The following PRR5L variants were observed in gnomAD, a reference collection of about 807,000 sequenced individuals.
PRR5L encodes proline-rich protein 5-like.
A neutral mutation model predicts 36.4 loss-of-function variants in PRR5L; 21 were observed. The observed-to-expected ratio is 0.58, with a 90% confidence interval of 0.41 to 0.83. The LOEUF (loss-of-function observed/expected upper bound fraction) is 0.83. Among genes scored for constraint, PRR5L ranks in the 40% least tolerant of loss-of-function variants. The pLI is 0.00. For synonymous variants in PRR5L, 188 were observed against 197.0 expected (o/e 0.95, Z 0.38); for missense variants, 381 against 473.3 (o/e 0.80, Z 1.81).
intron 1 of PRR5L, among the ~76,000 whole-genome samples, chr11:36,357,718 A>G (rs1857042356): frequency 6.6e-6 from 1 of 152,196 alleles, no homozygotes; most frequent in Admixed American, 6.5e-5. Flanking sequence ...GAAAAAAAAA[A>G]GATGCCTTTA....
intron 1 of PRR5L, among the ~76,000 whole-genome samples, chr11:36,322,916 A>G (rs1277856386): frequency 6.6e-6 from 1 of 152,220 alleles, no homozygotes; most frequent in Non-Finnish European, 1.5e-5. Context: ...TCAAGTGATC[A>G]TTAAGGCAAG....
chr11:36,420,456 T>A (rs1368599146), intron 4 of PRR5L, among the ~76,000 whole-genome samples: 1 of 152,186 alleles, frequency 6.6e-6, no homozygotes, highest in Non-Finnish European at 1.5e-5. Context: ...CTGTATTTCC[T>A]TTTCTGTGAA....
At chr11:36,417,872 G>A (rs982708281) in intron 3 of PRR5L, among the ~76,000 whole-genome samples, 4 of 152,216 alleles carry the variant, frequency 2.6e-5, no homozygotes, top group African/African-American at 9.7e-5. Flanking sequence ...CCAATGGGAT[G>A]AGCAAAGAAA....
intron 1 of PRR5L, among the ~76,000 whole-genome samples, chr11:36,351,431 T>A (rs541865831): frequency 2.2e-4 from 12 of 54,372 alleles, no homozygotes; most frequent in South Asian, 7.0e-4. Flanking sequence ...ATTTATATAT[T>A]TATATATACA....
At chr11:36,445,722 T>A (rs1590599579) in intron 6 of PRR5L, among the ~76,000 whole-genome samples, 2 of 152,318 alleles carry the variant, frequency 1.3e-5, no homozygotes, top group East Asian at 1.9e-4. Context: ...CTATGTAGAA[T>A]CATGCCTAGC....
chr11:36,437,276 A>G, intron 5 of PRR5L, 109 bp from the exon 6 acceptor site: 1 of 820,022 alleles, frequency 1.2e-6, no homozygotes, highest in South Asian at 1.3e-5. Flanking sequence ...CAAGTTTTTT[A>G]GCATGTGCAG....
intron 1 of PRR5L, among the ~76,000 whole-genome samples, chr11:36,392,378 T>G (rs549267020): frequency 6.6e-6 from 1 of 152,330 alleles, no homozygotes; most frequent in African/African-American, 2.4e-5. Flanking sequence ...TTTTTGTTTT[T>G]TGAGGTACCT....
chr11:36,415,559 A>G (rs1858123209), intron 3 of PRR5L, among the ~76,000 whole-genome samples: 1 of 152,158 alleles, frequency 6.6e-6, no homozygotes, highest in Non-Finnish European at 1.5e-5. Context: ...GTCTGCCCAA[A>G]AGGGTGAAAC....
chr11:36,435,575 T>G (rs1350909594), intron 5 of PRR5L, among the ~76,000 whole-genome samples: 2 of 152,186 alleles, frequency 1.3e-5, no homozygotes, highest in Admixed American at 6.5e-5. Flanking sequence ...GCAAAGGCCC[T>G]GTGGCATGAC....
rs114146979 is a variant in PRR5L, at chr11:36,313,793, C to T, written c.-126+17355C>T. ...CTAAATAGAGTTTGCCCATGGTCAA[C>T]TCAGGAACTAGAGGTGGGAGGTTAG... is the stretch of plus-strand genomic sequence containing the variant. On this transcript the variant is annotated intron_variant, in intron 1 of 8. Transcript: ENST00000530639. Among the ~76,000 whole-genome samples the T allele has an allele frequency of 3.6e-4, 55 of 152,338 alleles. 1 individual carries two copies. Among genetic ancestry groups the T allele is most frequent in the Middle Eastern group, 3.4e-3 (1 of 294 alleles).
At chr11:36,373,134 T>G (rs952383813) in intron 1 of PRR5L, among the ~76,000 whole-genome samples, 3 of 152,110 alleles carry the variant, frequency 2.0e-5, no homozygotes, top group Non-Finnish European at 4.4e-5. Flanking sequence ...GGGGGCTGCC[T>G]CAGGGATAGC....
Position 36,377,918 on chromosome 11 carries a change from C to T in PRR5L, c.-125-23079C>T, listed in dbSNP as rs1290231018. Reference sequence around the variant, plus strand: ...CAGAATTCTGGACCTGTTGCCCAGACGACACGTGCACATTCAGATGACCCA... The same window carrying T: ...CAGAATTCTGGACCTGTTGCCCAGATGACACGTGCACATTCAGATGACCCA... On this transcript the variant is annotated intron_variant, in intron 1 of 8. Transcript: ENST00000530639. The surrounding 1 kb of genome is among the most constrained non-coding windows in gnomAD (Gnocchi z 5.1). Among the ~76,000 whole-genome samples, 1 of 152,176 alleles carries T rather than the reference C, an allele frequency of 6.6e-6. No individual in the cohort carries two copies. The highest frequency in any genetic ancestry group is 1.5e-5 in the Non-Finnish European group (1 of 68,036).
intron 1 of PRR5L, among the ~76,000 whole-genome samples, chr11:36,313,195 G>A (rs1000443655): frequency 2.6e-5 from 4 of 152,350 alleles, no homozygotes; most frequent in Non-Finnish European, 5.9e-5. Context: ...CAAATTGTTA[G>A]TTCTCAGTCT....
chr11:36,372,834 T>C (rs1295899740), intron 1 of PRR5L, among the ~76,000 whole-genome samples: 1 of 152,210 alleles, frequency 6.6e-6, no homozygotes, highest in Non-Finnish European at 1.5e-5. Flanking sequence ...TATTGGCAAG[T>C]AGTTCAAACA....
chr11:36,463,380 C>T lies in PRR5L; in HGVS notation c.*644C>T, dbSNP rs1859232553. On this transcript the variant is annotated 3_prime_UTR_variant, in exon 9 of 9. Coordinates refer to ENST00000530639, the MANE Select transcript of PRR5L (RefSeq NM_001160167.2). ...ATCCTATGTGCTGCTTGCACAGAGG[C>T]CTTTGGCTTTTGACCCAGGAGGGCC... 1 of 152,192 alleles carries T rather than the reference C, an allele frequency of 6.6e-6. No individual in the cohort carries two copies. The highest frequency in any genetic ancestry group is 6.5e-5 in the Admixed American group (1 of 15,280). The allele number at this position is 152,192 out of a possible 1,614,324, so 9.4% of individuals were successfully genotyped here. A position where few individuals can be genotyped will look rare whatever the true frequency, so the allele number is the denominator to read the frequency against.
At chr11:36,422,355 G>A (rs1858284379) in intron 4 of PRR5L, among the ~76,000 whole-genome samples, 1 of 152,198 alleles carries the variant, frequency 6.6e-6, no homozygotes, top group East Asian at 1.9e-4. Context: ...GCAGAAGGAA[G>A]GCCTGGAGAC....
At chr11:36,299,256 C>T (rs1309550788) in intron 1 of PRR5L, among the ~76,000 whole-genome samples, 2 of 152,220 alleles carry the variant, frequency 1.3e-5, no homozygotes, top group African/African-American at 4.8e-5. Context: ...CACTCCATCT[C>T]TCTTGTATTT....
chr11:36,351,756 T>TA (rs1232445854), intron 1 of PRR5L, among the ~76,000 whole-genome samples: 862 of 38,154 alleles, frequency 0.023, 85 homozygotes, highest in Non-Finnish European at 0.027. Context: ...AATTTATATA[T>TA]ATTTATATAT....
At chr11:36,410,381 C>T (rs1400095023) in intron 3 of PRR5L, among the ~76,000 whole-genome samples, 1 of 152,138 alleles carries the variant, frequency 6.6e-6, no homozygotes, top group African/African-American at 2.4e-5. Flanking sequence ...TTACAGTACA[C>T]ACTCACTTGC....
Sources: gnomAD v4.1 joint callset for allele counts (sites outside exome capture counted in the v4.1 genomes callset) on GRCh38, gnomAD v4.1.1 for gene constraint, Gnocchi (gnomAD v3.1) non-coding constraint, MANE v1.5 for transcripts, NCBI Gene and HGNC (gene_info 2026-07-23, HGNC 2026-07-21) for gene names.